NBDY: variants seen among roughly 807,000 people sequenced by gnomAD.
The protein encoded by NBDY is negative regulator of P-body association, also known as P-body dissociating protein.
In NBDY at chrX:56,751,291, C is replaced by T. The variant is rs2069584022; in HGVS notation, c.*166+19092C>T. 2.7e-5 allele frequency among the ~76,000 whole-genome samples: 3 copies of T among 111,557 alleles called. No homozygotes were observed. The Admixed American group carries it at 2.9e-4, about 11-fold the overall frequency. On this transcript the variant is annotated intron_variant, in intron 2 of 2. Coordinates refer to ENST00000374922, the MANE Select transcript of NBDY (RefSeq NM_001348129.2). ...AATTCCTGCTCATTTGTCATAGCCTCAATATTTTTTTTCCTCATCCTCTGT... is the reference window on the plus strand; with the variant it reads ...AATTCCTGCTCATTTGTCATAGCCTTAATATTTTTTTTCCTCATCCTCTGT...
At chrX:56,798,392 C>G (rs918459397) in intron 2 of NBDY, among the ~76,000 whole-genome samples, 1 of 111,625 alleles carries the variant, frequency 9.0e-6, no homozygotes, top group Non-Finnish European at 1.9e-5. Context: ...TCCTCCCACC[C>G]CTGCCTGTGT....
At chrX:56,762,066 A>T (rs1224755217) in intron 2 of NBDY, among the ~76,000 whole-genome samples, 1 of 110,438 alleles carries the variant, frequency 9.1e-6, no homozygotes, top group African/African-American at 3.3e-5. Context: ...CTCACAAGGG[A>T]TCCCATCAAC....
At chrX:56,801,977 GACACACAC>G (rs5902560) in intron 2 of NBDY, among the ~76,000 whole-genome samples, 8,939 of 99,493 alleles carry the variant, frequency 0.09, 985 homozygotes, top group African/African-American at 0.3. Flanking sequence ...CAAACTCATA[GACACACAC>G]ACACACACAC....
chrX:56,817,479 C>T lies in NBDY; in HGVS notation c.*326C>T, dbSNP rs1022238330. 2 of 111,869 alleles carry T rather than the reference C, an allele frequency of 1.8e-5. No individual in the cohort carries two copies. The highest frequency in any genetic ancestry group is 3.8e-5 in the Non-Finnish European group (2 of 53,230). The allele number at this position is 111,869 out of a possible 1,213,427, so 9.2% of individuals were successfully genotyped here. ...GCCTGTGAGATGGTCCTGCAGCAGC[C>T]AACCAGTGAACTCTTTTGGTGACAT... is the stretch of plus-strand genomic sequence containing the variant. On this transcript the variant is annotated 3_prime_UTR_variant, in exon 3 of 3. Coordinates refer to ENST00000374922, the MANE Select transcript of NBDY (RefSeq NM_001348129.2).
chrX:56,766,364 C>T (rs1322410762), intron 2 of NBDY, among the ~76,000 whole-genome samples: 1 of 111,818 alleles, frequency 8.9e-6, no homozygotes, highest in African/African-American at 3.3e-5. Flanking sequence ...CACACACAGA[C>T]ACACATGCAG....
intron 2 of NBDY, among the ~76,000 whole-genome samples, chrX:56,753,016 A>G (rs997529793): frequency 2.7e-5 from 3 of 112,752 alleles, no homozygotes; most frequent in African/African-American, 9.7e-5. Flanking sequence ...TGAAGGCAAA[A>G]TGAAATATCC....
At chrX:56,736,704 T>C (rs1425107247) in intron 2 of NBDY, among the ~76,000 whole-genome samples, 1 of 112,828 alleles carries the variant, frequency 8.9e-6, no homozygotes, top group Non-Finnish European at 1.9e-5. Context: ...TATGATTTGT[T>C]TTTGTACTTC....
intron 2 of NBDY, among the ~76,000 whole-genome samples, chrX:56,789,459 C>A (rs1445714907): frequency 8.9e-6 from 1 of 112,185 alleles, no homozygotes; most frequent in African/African-American, 3.2e-5. Context: ...GGCCCAGGTC[C>A]CCAAAGCAAG....
At chrX:56,782,203 T>C (rs2069696191) in intron 2 of NBDY, among the ~76,000 whole-genome samples, 1 of 110,747 alleles carries the variant, frequency 9.0e-6, no homozygotes, top group Admixed American at 9.5e-5. Context: ...CCTCCCACTT[T>C]CTGTTCTTGT....
intron 2 of NBDY, among the ~76,000 whole-genome samples, chrX:56,797,353 T>G (rs1256087978): frequency 9.1e-6 from 1 of 109,873 alleles, no homozygotes; most frequent in East Asian, 2.8e-4. Flanking sequence ...CTTTCCTTTT[T>G]TTTTCACTTT....
intron 2 of NBDY, among the ~76,000 whole-genome samples, chrX:56,739,240 A>G (rs868530472): frequency 8.6e-4 from 63 of 73,448 alleles, no homozygotes; most frequent in South Asian, 2.1e-3. Flanking sequence ...TTGTGTGTGT[A>G]TATATATATA....
chrX:56,805,669 G>A (rs1443159459), intron 2 of NBDY, among the ~76,000 whole-genome samples: 2 of 111,907 alleles, frequency 1.8e-5, no homozygotes, highest in Admixed American at 9.4e-5. Context: ...CTAAGGGGCT[G>A]ACTCTCTTGG....
chrX:56,748,893 A>G (rs1008131225), intron 2 of NBDY, among the ~76,000 whole-genome samples: 1 of 103,796 alleles, frequency 9.6e-6, no homozygotes, highest in African/African-American at 3.5e-5. Context: ...ACAATATTTT[A>G]TAATTAAATG....
At chrX:56,739,264 G>A (rs59953884) in intron 2 of NBDY, among the ~76,000 whole-genome samples, 740 of 29,839 alleles carry the variant, frequency 0.025, 9 homozygotes, top group Middle Eastern at 0.066. Context: ...ATATATATAT[G>A]TATGTATATA....
chrX:56,800,169 A>T (rs2069814865), intron 2 of NBDY, among the ~76,000 whole-genome samples: 1 of 111,511 alleles, frequency 9.0e-6, no homozygotes. Flanking sequence ...GGTGACTTTG[A>T]GTGTCAGAAA....
At chrX:56,732,971 T>G (rs1442300799) in intron 2 of NBDY, among the ~76,000 whole-genome samples, 2 of 44,699 alleles carry the variant, frequency 4.5e-5, no homozygotes, top group Non-Finnish European at 9.7e-5. Flanking sequence ...CATTTTGACT[T>G]TTATTTTTAT....
At chrX:56,798,452 G>T (rs2069804828) in intron 2 of NBDY, among the ~76,000 whole-genome samples, 1 of 111,486 alleles carries the variant, frequency 9.0e-6, no homozygotes, top group Non-Finnish European at 1.9e-5. Context: ...GTTGCTGAGT[G>T]TGCTTTCTAA....
rs780198094 is a variant in NBDY, at chrX:56,783,954, G to A, written c.*167-33366G>A. The stretch of plus-strand genomic sequence containing the variant: ...AGGTGCAACAGTAGGAGCGTTCTCT[G>A]CCTCCCTCCTTCTTCTGGATTCTTC... On this transcript the variant is annotated intron_variant, in intron 2 of 2. Transcript: ENST00000374922. 5.4e-3 allele frequency among the ~76,000 whole-genome samples: 516 copies of A among 96,176 alleles called. 4 individuals are homozygous for A. The highest frequency in any genetic ancestry group is 0.028 in the African/African-American group (485 of 17,577). The allele number at this position is 96,176 out of a possible 115,157, so 83.5% of individuals were successfully genotyped here.
intron 2 of NBDY, among the ~76,000 whole-genome samples, chrX:56,745,542 C>A (rs1480471919): frequency 9.0e-6 from 1 of 110,801 alleles, no homozygotes; most frequent in African/African-American, 3.3e-5. Flanking sequence ...TACTATTACA[C>A]CCAGAGAAAT....
Sources: gnomAD v4.1 joint callset for allele counts (sites outside exome capture counted in the v4.1 genomes callset) on GRCh38, gnomAD v4.1.1 for gene constraint, MANE v1.5 for transcripts, NCBI Gene and HGNC (gene_info 2026-07-23, HGNC 2026-07-21) for gene names.